Variants in LIMK1 observed in about 807,000 individuals in gnomAD.
The protein encoded by LIMK1 is LIM domain kinase 1.
Under a neutral mutation model 77.6 loss-of-function variants are expected in LIMK1, and 21 were observed. The observed-to-expected ratio is 0.27, with a 90% CI of 0.19 to 0.39. The LOEUF is 0.39. Among genes scored for constraint, LIMK1 ranks in the 10% least tolerant of loss-of-function variants. The probability of loss-of-function intolerance (pLI) is 1.00; values close to 1 mark genes in which losing one functional copy is unlikely to be tolerated. For missense variants in LIMK1, 696 were observed against 901.6 expected, an observed-to-expected ratio of 0.77 and a Z score of 2.92; for synonymous variants, 358 against 370.0, an observed-to-expected ratio of 0.97 and a Z score of 0.37.
At chr7:74,097,321 A>G in intron 4 of LIMK1, 132 bp downstream of exon 4, 1 of 548,152 alleles carries the variant, frequency 1.8e-6, no homozygotes, top group Non-Finnish European at 3.2e-6. Context: ...AAATGTTCAT[A>G]TCTCCTTTCC....
intron 2 of LIMK1, among the ~76,000 whole-genome samples, chr7:74,089,727 G>T (rs111662356): frequency 4.1e-4 from 62 of 152,192 alleles, no homozygotes; most frequent in African/African-American, 1.5e-3. Context: ...GCTGTGTCCT[G>T]CCCAGAGCTA....
rs1374741001 is a variant in LIMK1, at chr7:74,092,641, C to T, written c.153-3981C>T. On this transcript the variant is annotated intron_variant, in intron 2 of 15. Coordinates refer to ENST00000336180, the MANE Select transcript of LIMK1 (RefSeq NM_002314.4). ...CTGCGAGGTCCCCTCCAGGAAGCCT[C>T]CTGTGCACAACCCCCAGGGCTGCCG... Among the ~76,000 whole-genome samples the T allele has an allele frequency of 2.0e-5, 3 of 152,300 alleles. No homozygotes were observed. In the East Asian group the frequency reaches 5.8e-4, roughly 29 times the overall value.
intron 9 of LIMK1, 149 bp from the exon 10 acceptor site, chr7:74,108,756 A>G (rs912900828): frequency 2.6e-5 from 34 of 1,287,470 alleles, no homozygotes; most frequent in Non-Finnish European, 3.3e-5. Flanking sequence ...AGGACGCCAG[A>G]GGGTGTGGCA....
chr7:74,107,057 C>T lies in LIMK1; in HGVS notation c.929C>T (p.Ser310Phe). 3.1e-6 allele frequency: 5 copies of T among 1,604,292 alleles called. No individual in the cohort carries two copies. The highest frequency in any genetic ancestry group is 1.1e-5 in the South Asian group (1 of 89,572). The change falls in exon 8 of 16, where the codon TCC becomes TTC. Residue 310 changes from serine (S) to phenylalanine (F), a missense_variant. Ser to Phe is a radical substitution (Grantham distance 155, BLOSUM62 -2). Around this residue, in one of 3 missense-constraint regions of LIMK1, gnomAD observed 438 missense variants for 602.3 expected, o/e 0.73. Coordinates refer to ENST00000336180, the MANE Select transcript of LIMK1 (RefSeq NM_002314.4). ...DRSPGAGSLG[S>F]PASQRKDLGR... ...TCTCCGGGCGCTGGCTCACTGGGCT[C>T]CCCGGCCTCCCAGCGCAAGGACCTG...
chr7:74,093,365 G>A (rs1346686840), intron 2 of LIMK1: 2 of 1,525,832 alleles, frequency 1.3e-6, no homozygotes, highest in Non-Finnish European at 1.8e-6. Context: ...TAAGGCCTGG[G>A]GCTGGAAGCC....
chr7:74,089,142 C>T (rs375883497), intron 2 of LIMK1, among the ~76,000 whole-genome samples: 1 of 152,220 alleles, frequency 6.6e-6, no homozygotes, highest in African/African-American at 2.4e-5. Context: ...AGATTCCATG[C>T]AATCAAGTGC....
chr7:74,116,147 A>C (rs1554699415), intron 13 of LIMK1, among the ~76,000 whole-genome samples, 189 bp downstream of exon 13: 1 of 152,094 alleles, frequency 6.6e-6, no homozygotes, highest in Non-Finnish European at 1.5e-5. Context: ...TAATCCCAGC[A>C]CTTTGGGAGG....
intron 4 of LIMK1, among the ~76,000 whole-genome samples, chr7:74,098,439 T>C (rs540305926): frequency 6.6e-6 from 1 of 152,306 alleles, no homozygotes; most frequent in Non-Finnish European, 1.5e-5. Flanking sequence ...CCTCAGGCCT[T>C]GTCCTGGCCG....
At chr7:74,087,393 G>C (rs1308832071) in intron 2 of LIMK1, among the ~76,000 whole-genome samples, 2 of 152,118 alleles carry the variant, frequency 1.3e-5, no homozygotes, top group African/African-American at 2.4e-5. Context: ...AATAGAGCGA[G>C]ACCCAGTCTC....
intron 13 of LIMK1, among the ~76,000 whole-genome samples, chr7:74,118,326 G>A (rs1330512919): frequency 1.4e-5 from 2 of 147,564 alleles, no homozygotes; most frequent in African/African-American, 5.0e-5. Flanking sequence ...GCAGTGAGCC[G>A]AGATCGCACC....
intron 12 of LIMK1, 25 bp from the exon 13 acceptor site, chr7:74,115,777 G>A (rs1445851495): frequency 6.2e-7 from 1 of 1,610,988 alleles, no homozygotes; most frequent in Non-Finnish European, 8.5e-7. Context: ...TCGGGTCCCA[G>A]CATGACCCGG....
At chr7:74,120,763 G>A in intron 14 of LIMK1, 125 bp downstream of exon 14, 1 of 1,524,804 alleles carries the variant, frequency 6.6e-7, no homozygotes, top group Non-Finnish European at 9.1e-7. Flanking sequence ...GCATGGGCTG[G>A]CCCCCATGGG....
intron 7 of LIMK1, 28 bp downstream of exon 7, chr7:74,106,271 T>TG: frequency 6.3e-7 from 1 of 1,580,764 alleles, no homozygotes; most frequent in Non-Finnish European, 8.6e-7. Context: ...TCGGTTCAGC[T>TG]GGGTGCTTTC....
chr7:74,100,576 G>C (rs1344541984), intron 5 of LIMK1, among the ~76,000 whole-genome samples: 4 of 151,454 alleles, frequency 2.6e-5, no homozygotes, highest in Non-Finnish European at 5.9e-5. Flanking sequence ...GTGACCACAT[G>C]TGGCTAATTT....
chr7:74,108,972 A>G lies in LIMK1; in HGVS notation c.1220A>G (p.Lys407Arg), dbSNP rs1554698132. 3 of 1,614,146 alleles carry G rather than the reference A, an allele frequency of 1.9e-6. No homozygotes were observed. The highest frequency in any genetic ancestry group is 2.5e-6 in the Non-Finnish European group (3 of 1,180,006). ...TTCATCGGGGTGCTCTACAAGGACA[A>G]GAGGCTCAACTTCATCACTGAGTAC... ...LKFIGVLYKD[K>R]RLNFITEYIK... Residue 407 changes from lysine (K) to arginine (R), a missense_variant, in exon 10 of 16, where the codon AAG (lysine) becomes AGG (arginine). This residue lies in a region of LIMK1 where 438 missense variants were observed against 602.3 expected (regional missense o/e 0.73). Coordinates refer to ENST00000336180, the MANE Select transcript of LIMK1 (RefSeq NM_002314.4).
At chr7:74,112,487 G>A (rs1263269668) in intron 12 of LIMK1, among the ~76,000 whole-genome samples, 2 of 151,902 alleles carry the variant, frequency 1.3e-5, no homozygotes, top group African/African-American at 4.8e-5. Flanking sequence ...TTGGGAGGCC[G>A]AGGCAGGCGG....
At chr7:74,102,439 A>G (rs1799480353) in intron 5 of LIMK1, among the ~76,000 whole-genome samples, 1 of 133,576 alleles carries the variant, frequency 7.5e-6, no homozygotes. Context: ...GGGATCATTG[A>G]CTCCCCCACA....
intron 2 of LIMK1, among the ~76,000 whole-genome samples, chr7:74,091,704 A>G (rs755248188): frequency 1.5e-4 from 23 of 152,138 alleles, no homozygotes; most frequent in Non-Finnish European, 3.1e-4. Context: ...TGGGCAAGAC[A>G]CTCAGTGAAC....
At chr7:74,114,282 C>T (rs992537763) in intron 12 of LIMK1, among the ~76,000 whole-genome samples, 2 of 152,042 alleles carry the variant, frequency 1.3e-5, no homozygotes, top group African/African-American at 4.8e-5. Flanking sequence ...TGGCTTACAC[C>T]TGTAATCCCA....
Sources: gnomAD v4.1 joint callset for allele counts (sites outside exome capture counted in the v4.1 genomes callset) on GRCh38, gnomAD v4.1.1 for gene constraint, gnomAD v4.1.1 regional missense constraint, MANE v1.5 for transcripts, NCBI Gene and HGNC (gene_info 2026-07-23, HGNC 2026-07-21) for gene names.